The following CLVS1 variants were observed in gnomAD, a reference collection of about 807,000 sequenced individuals.
The protein encoded by CLVS1 is clavesin 1, also known as clavesin-1.
In CLVS1, 10 loss-of-function variants were observed where a neutral mutation model predicts 33.1. The observed-to-expected ratio is 0.30, with a 90% CI of 0.19 to 0.51. The LOEUF (loss-of-function observed/expected upper bound fraction) is 0.51, where lower values mean the gene tolerates loss of function less well. Ranked by LOEUF, CLVS1 falls within the 20% of genes least tolerant of loss-of-function variation. The pLI, the probability that CLVS1 is intolerant of heterozygous loss-of-function variation, is 0.97. For synonymous variants in CLVS1, 163 were observed against 166.1 expected (o/e 0.98, Z 0.14); for missense variants, 343 against 433.4 (o/e 0.79, Z 1.85).
In CLVS1 at chr8:61,125,995, G is replaced by T. The variant is rs142249180; in HGVS notation, c.-242-5775G>T. 3.8e-4 allele frequency among the ~76,000 whole-genome samples: 58 copies of T among 151,166 alleles called. No homozygotes were observed. The East Asian group carries it at 6.4e-3, about 17-fold the overall frequency. ...TTTTTCTGATTCCAAATGTAATATA[G>T]TTGATTGTGGAAGAATGACAAATGC... On this transcript the variant is annotated intron_variant, in intron 1 of 2. Coordinates refer to the CLVS1 transcript ENST00000522621.
intron 1 of CLVS1, among the ~76,000 whole-genome samples, chr8:61,059,499 T>TACAC (rs1554530510): frequency 3.2e-3 from 307 of 95,994 alleles, no homozygotes; most frequent in East Asian, 4.4e-3. Flanking sequence ...TATATATATA[T>TACAC]ACACATATCT....
intron 5 of CLVS1, among the ~76,000 whole-genome samples, chr8:61,469,615 G>A (rs1458004954): frequency 2.6e-5 from 4 of 152,296 alleles, no homozygotes; most frequent in African/African-American, 9.6e-5. Context: ...TTTATAGGGT[G>A]AATTTGTGCA....
intron 2 of CLVS1, among the ~76,000 whole-genome samples, chr8:61,197,102 T>C (rs911848410): frequency 3.9e-5 from 6 of 152,232 alleles, no homozygotes; most frequent in African/African-American, 1.4e-4. Flanking sequence ...GTATAATGCA[T>C]TGAGTTCTCT....
chr8:61,410,983 C>T (rs1815200282), intron 3 of CLVS1, among the ~76,000 whole-genome samples: 3 of 152,162 alleles, frequency 2.0e-5, no homozygotes, highest in Admixed American at 6.5e-5. Flanking sequence ...CACTGAGAAC[C>T]TTGTTCTCCT....
intron 2 of CLVS1, among the ~76,000 whole-genome samples, chr8:61,322,246 TG>T (rs1466463690): frequency 6.6e-6 from 1 of 152,206 alleles, no homozygotes; most frequent in African/African-American, 2.4e-5. Context: ...GAAACAGATG[TG>T]TTCTTCTCTA....
At chr8:61,338,281 A>G (rs929433873) in intron 2 of CLVS1, among the ~76,000 whole-genome samples, 4 of 151,602 alleles carry the variant, frequency 2.6e-5, no homozygotes, top group Admixed American at 2.6e-4. Flanking sequence ...AGGAAAATGG[A>G]AAAAAAAAGA....
rs58959777 is a variant in CLVS1 at position 61,123,271 on chromosome 8, A to AAAT, written c.-242-8475_-242-8473dup. ...GAAACAAGAGTGAAACTCTGTCTCA[A>AAAT]AATAATAATAATAATAATAATAATA... On this transcript the variant is annotated intron_variant, in intron 1 of 2. Coordinates refer to the CLVS1 transcript ENST00000522621. Among the ~76,000 whole-genome samples the AAAT allele has an allele frequency of 1.8e-3, 261 of 146,962 alleles. 28 individuals carry two copies. Among genetic ancestry groups the AAAT allele is most frequent in the Middle Eastern group, 0.01 (3 of 288 alleles).
the CLVS1 span, among the ~76,000 whole-genome samples, chr8:61,051,852 G>T: frequency 6.6e-6 from 1 of 152,214 alleles, no homozygotes; most frequent in Non-Finnish European, 1.5e-5. Context: ...CCACTGCTGG[G>T]CCCTGCCCAG....
At chr8:61,035,840 T>A in the CLVS1 span, among the ~76,000 whole-genome samples, 1 of 152,214 alleles carries the variant, frequency 6.6e-6, no homozygotes, top group South Asian at 2.1e-4. Context: ...TTCTAAACAT[T>A]ATCCTGACAT....
chr8:61,044,465 G>T, the CLVS1 span, among the ~76,000 whole-genome samples: 1 of 152,036 alleles, frequency 6.6e-6, no homozygotes, highest in African/African-American at 2.4e-5. Flanking sequence ...CCTGGATTGG[G>T]CTTGAGCAGG....
chr8:61,307,866 A>G (rs1374189404), intron 2 of CLVS1, among the ~76,000 whole-genome samples: 2 of 152,096 alleles, frequency 1.3e-5, no homozygotes, highest in Non-Finnish European at 2.9e-5. Flanking sequence ...GGAGTCTCCA[A>G]TGTCTATTAT....
At chr8:61,185,065 A>G (rs758782709) in intron 2 of CLVS1, among the ~76,000 whole-genome samples, 4 of 152,050 alleles carry the variant, frequency 2.6e-5, no homozygotes, top group African/African-American at 9.7e-5. Context: ...GAATCATACT[A>G]TGTATAGATT....
intron 5 of CLVS1, among the ~76,000 whole-genome samples, chr8:61,496,398 C>T (rs987255044): frequency 6.6e-6 from 1 of 152,104 alleles, no homozygotes; most frequent in Non-Finnish European, 1.5e-5. Context: ...TGTCTTCATG[C>T]TTGCTGTTTG....
At chr8:61,497,526 T>A in intron 5 of CLVS1, among the ~76,000 whole-genome samples, 1 of 150,818 alleles carries the variant, frequency 6.6e-6, no homozygotes, top group South Asian at 2.1e-4. Context: ...CACCATTCCC[T>A]CTTGTTACCA....
In CLVS1 at chr8:61,300,155, A is replaced by T; in HGVS notation, c.328A>T (p.Asn110Tyr). 1 of 1,614,010 alleles carries T rather than the reference A, an allele frequency of 6.2e-7. No individual in the cohort carries two copies. Among genetic ancestry groups the T allele is most frequent in the Non-Finnish European group, 8.5e-7 (1 of 1,179,968 alleles). The change falls in exon 2 of 6, where the codon AAC becomes TAC. Residue 110 changes from asparagine to tyrosine, a missense_variant. Physicochemically the swap from Asn to Tyr is moderately radical, Grantham distance 143. This residue lies in a region of CLVS1 where 166 missense variants were observed against 244.0 expected (regional missense o/e 0.68). Transcript: ENST00000325897. ...YRQLNLDMFKNFKADDPGIKR... is the reference protein window; with the variant it reads ...YRQLNLDMFKYFKADDPGIKR... ...CCAGCTAAACCTGGACATGTTCAAA[A>T]ACTTCAAGGCAGATGATCCCGGCAT...
At chr8:61,157,965 C>T (rs1175634862) in intron 2 of CLVS1, among the ~76,000 whole-genome samples, 1 of 152,050 alleles carries the variant, frequency 6.6e-6, no homozygotes, top group Admixed American at 6.6e-5. Flanking sequence ...AACATACATC[C>T]AGCCTATGAC....
At chr8:61,305,912 T>C (rs1437618131) in intron 2 of CLVS1, among the ~76,000 whole-genome samples, 2 of 152,244 alleles carry the variant, frequency 1.3e-5, no homozygotes, top group Admixed American at 1.3e-4. Flanking sequence ...GGCTGCATAG[T>C]ATTTCATGGT....
At chr8:61,359,468 G>T (rs1209295834) in intron 2 of CLVS1, among the ~76,000 whole-genome samples, 2 of 151,936 alleles carry the variant, frequency 1.3e-5, no homozygotes, top group Admixed American at 6.6e-5. Flanking sequence ...TGATTCTCCT[G>T]CCTCAGCCTC....
intron 1 of CLVS1, among the ~76,000 whole-genome samples, chr8:61,114,101 C>T (rs1805677029): frequency 6.6e-6 from 1 of 152,212 alleles, no homozygotes; most frequent in South Asian, 2.1e-4. Context: ...TCTAGTAAAA[C>T]TTTATTATGG....
Sources: gnomAD v4.1 joint callset for allele counts (sites outside exome capture counted in the v4.1 genomes callset) on GRCh38, gnomAD v4.1.1 for gene constraint, gnomAD v4.1.1 regional missense constraint, MANE v1.5 for transcripts, NCBI Gene and HGNC (gene_info 2026-07-23, HGNC 2026-07-21) for gene names.